CSMD1: variants seen among roughly 807,000 people sequenced by gnomAD.
CSMD1 encodes the protein CUB and Sushi multiple domains 1.
In CSMD1, 213 loss-of-function variants were observed where a neutral mutation model predicts 417.5. The ratio of observed to expected loss-of-function variants is 0.51; its 90% CI spans 0.46 to 0.57. The LOEUF is 0.57. CSMD1 is among the 20% of genes least tolerant of loss of function. The probability of loss-of-function intolerance (pLI) is 0.00; values close to 1 mark genes in which losing one functional copy is unlikely to be tolerated. For missense variants in CSMD1, 6,923 were observed against 4,529.7 expected, an observed-to-expected ratio of 1.53 and a Z score of -15.17; for synonymous variants, 2,862 against 1,736.8, an observed-to-expected ratio of 1.65 and a Z score of -16.11.
intron 1 of CSMD1, among the ~76,000 whole-genome samples, chr8:4,879,507 T>G (rs1406348769): frequency 2.0e-5 from 3 of 152,108 alleles, no homozygotes; most frequent in African/African-American, 7.3e-5. Context: ...ATCTGCTGTT[T>G]ATAAGGGACA....
At chr8:3,785,131 G>A (rs1799383989) in intron 5 of CSMD1, among the ~76,000 whole-genome samples, 1 of 152,144 alleles carries the variant, frequency 6.6e-6, no homozygotes, top group Admixed American at 6.5e-5. Flanking sequence ...CTGTGATGTT[G>A]GGTAAGTTCT....
chr8:4,930,866 G>A (rs143570719), intron 1 of CSMD1, among the ~76,000 whole-genome samples: 6 of 152,068 alleles, frequency 3.9e-5, no homozygotes, highest in Admixed American at 6.6e-5. Flanking sequence ...CTTAATAAAG[G>A]GTTCCCAGAA....
At chr8:4,229,761 C>G (rs1399171805) in intron 3 of CSMD1, among the ~76,000 whole-genome samples, 1 of 152,140 alleles carries the variant, frequency 6.6e-6, no homozygotes, top group Non-Finnish European at 1.5e-5. Context: ...TAGCATATCA[C>G]AATGCGACCC....
chr8:4,772,327 T>C (rs1205785854), intron 1 of CSMD1, among the ~76,000 whole-genome samples: 2 of 152,226 alleles, frequency 1.3e-5, no homozygotes, highest in South Asian at 2.1e-4. Context: ...ACGCATCTTC[T>C]ATCCTTGCTT....
chr8:3,860,036 G>A (rs1464667944), intron 5 of CSMD1, among the ~76,000 whole-genome samples: 1 of 152,158 alleles, frequency 6.6e-6, no homozygotes, highest in Non-Finnish European at 1.5e-5. Context: ...ATGTGCTTGT[G>A]GAGGGTCATG....
chr8:4,698,602 T>TC (rs1290958791), intron 1 of CSMD1, among the ~76,000 whole-genome samples: 1 of 151,188 alleles, frequency 6.6e-6, no homozygotes, highest in Non-Finnish European at 1.5e-5. Context: ...ATAGAAATTT[T>TC]TTTTTTTTTG....
rs183152686 is a variant in CSMD1 at position 3,642,477 on chromosome 8, C to G, written c.1010-25680G>C. ...TCAAGAGATATTCCCAAGTAGTGACCCAAGCAAACACAAATCCTCTCTGGA... is the reference window on the plus strand; with the variant it reads ...TCAAGAGATATTCCCAAGTAGTGACGCAAGCAAACACAAATCCTCTCTGGA... On this transcript the variant is annotated intron_variant, in intron 7 of 69. Transcript: ENST00000635120. Among the ~76,000 whole-genome samples the G allele has an allele frequency of 2.0e-3, 298 of 152,172 alleles. 3 individuals carry two copies. The highest frequency in any genetic ancestry group is 5.6e-3 in the Admixed American group (86 of 15,276).
At position 3,089,089 on chromosome 8, in the gene CSMD1, T is replaced by C. The variant is rs78119411; in HGVS notation, c.7286-1804A>G. On this transcript the variant is annotated intron_variant, in intron 48 of 69. Coordinates refer to ENST00000635120, the MANE Select transcript of CSMD1 (RefSeq NM_033225.6). ...ATGAAGGGCCCTACAGGGGAAACCA[T>C]AGCACAGAATACAAAGAGAGACTGG... is the stretch of plus-strand genomic sequence containing the variant. 8.5e-3 allele frequency among the ~76,000 whole-genome samples: 1,290 copies of C among 152,208 alleles called. 17 individuals carry two copies. The highest frequency in any genetic ancestry group is 0.029 in the African/African-American group (1,206 of 41,532).
chr8:4,124,839 G>A (rs745811037), intron 3 of CSMD1, among the ~76,000 whole-genome samples: 3 of 152,050 alleles, frequency 2.0e-5, no homozygotes, highest in Admixed American at 2.0e-4. Flanking sequence ...CAACCCACAA[G>A]CAGATACAAA....
At chr8:4,027,728 A>C (rs1402745215) in intron 4 of CSMD1, among the ~76,000 whole-genome samples, 1 of 152,202 alleles carries the variant, frequency 6.6e-6, no homozygotes, top group Admixed American at 6.5e-5. Flanking sequence ...CATTGAACAA[A>C]CTTGAAGCCA....
rs539118224 is a variant in CSMD1, at chr8:4,953,842, C to G, written c.85+40490G>C. On this transcript the variant is annotated intron_variant, in intron 1 of 69. Transcript: ENST00000635120. ...TGCCACAGGAAGAATTATCTGGGATCCCTGTTCAAATGCAGGTTGCAGGAC... is the reference window on the plus strand; with the variant it reads ...TGCCACAGGAAGAATTATCTGGGATGCCTGTTCAAATGCAGGTTGCAGGAC... Among the ~76,000 whole-genome samples, 14 of 152,200 alleles carry G rather than the reference C, an allele frequency of 9.2e-5. No homozygotes were observed. In the East Asian group the frequency reaches 2.7e-3, roughly 29 times the overall value.
At chr8:3,474,212 G>C (rs1487942959) in intron 11 of CSMD1, among the ~76,000 whole-genome samples, 1 of 152,126 alleles carries the variant, frequency 6.6e-6, no homozygotes, top group Non-Finnish European at 1.5e-5. Context: ...ATTGGCATTA[G>C]CTAATGAGCT....
chr8:4,687,518 G>T (rs1432576568), intron 1 of CSMD1, among the ~76,000 whole-genome samples: 1 of 152,066 alleles, frequency 6.6e-6, no homozygotes, highest in Non-Finnish European at 1.5e-5. Context: ...ACGATCTCTG[G>T]GAAGGTTTCT....
intron 7 of CSMD1, among the ~76,000 whole-genome samples, chr8:3,649,701 A>C (rs1003165608): frequency 2.0e-5 from 3 of 152,200 alleles, no homozygotes; most frequent in Non-Finnish European, 4.4e-5. Flanking sequence ...CATGAGGATT[A>C]TCGGGATTAT....
At chr8:3,418,008 T>A (rs1813265075) in intron 12 of CSMD1, among the ~76,000 whole-genome samples, 1 of 152,204 alleles carries the variant, frequency 6.6e-6, no homozygotes, top group Non-Finnish European at 1.5e-5. Context: ...AGCGGATTGC[T>A]GTTACAGTGG....
At chr8:4,877,774 A>G (rs1013094256) in intron 1 of CSMD1, among the ~76,000 whole-genome samples, 2 of 152,134 alleles carry the variant, frequency 1.3e-5, no homozygotes, top group Non-Finnish European at 2.9e-5. Context: ...GCCTGTAAAA[A>G]GTACAGTCCT....
chr8:3,002,345 A>G (rs1452928399), intron 52 of CSMD1, among the ~76,000 whole-genome samples: 1 of 152,210 alleles, frequency 6.6e-6, no homozygotes, highest in Non-Finnish European at 1.5e-5. Context: ...AGATGGAGCC[A>G]TCGTTCCAAC....
intron 5 of CSMD1, among the ~76,000 whole-genome samples, chr8:3,765,721 T>C (rs1039627503): frequency 6.6e-6 from 1 of 152,184 alleles, no homozygotes; most frequent in Admixed American, 6.5e-5. Context: ...ACTGCAGCCT[T>C]GCAGGTGGGG....
intron 2 of CSMD1, among the ~76,000 whole-genome samples, chr8:4,510,409 A>AAAAAAAAAAAAAAAAAAC (rs1802756158): frequency 7.9e-6 from 1 of 126,656 alleles, no homozygotes; most frequent in African/African-American, 3.0e-5. Flanking sequence ...AAAAAAAAAA[A>AAAAAAAAAAAAAAAAAAC]AAAAAAAAAA....
Sources: gnomAD v4.1 joint callset for allele counts (sites outside exome capture counted in the v4.1 genomes callset) on GRCh38, gnomAD v4.1.1 for gene constraint, MANE v1.5 for transcripts, NCBI Gene and HGNC (gene_info 2026-07-23, HGNC 2026-07-21) for gene names.